The following GBE1 variants were observed in gnomAD, a reference collection of about 807,000 sequenced individuals.
GBE1 encodes 1,4-alpha-glucan-branching enzyme.
GBE1 carries 70 observed loss-of-function variants against 88.8 expected under a neutral mutation model. The ratio of observed to expected loss-of-function variants is 0.79; its 90% CI spans 0.65 to 0.96. The LOEUF is 0.96. Among genes scored for constraint, GBE1 ranks in the 40% least tolerant of loss-of-function variants. The pLI, the probability that GBE1 is intolerant of heterozygous loss-of-function variation, is 0.00. For missense variants in GBE1, 872 were observed against 871.0 expected, an observed-to-expected ratio of 1.00 and a Z score of -0.01; for synonymous variants, 284 against 300.1, an observed-to-expected ratio of 0.95 and a Z score of 0.56.
At chr3:81,682,803 G>A (rs142932698) in intron 2 of GBE1, among the ~76,000 whole-genome samples, 2 of 152,270 alleles carry the variant, frequency 1.3e-5, no homozygotes, top group East Asian at 1.9e-4. Context: ...GAACATAAAT[G>A]TTCATAGTAG....
chr3:81,682,508 G>T (rs1705365062), intron 2 of GBE1, among the ~76,000 whole-genome samples: 1 of 151,862 alleles, frequency 6.6e-6, no homozygotes. Context: ...TCATAAAAAA[G>T]GGTATTCAAC....
intron 1 of GBE1, among the ~76,000 whole-genome samples, chr3:81,718,368 A>G (rs1705971887): frequency 6.6e-6 from 1 of 152,216 alleles, no homozygotes; most frequent in South Asian, 2.1e-4. Flanking sequence ...TATAATGACC[A>G]GTATCTTATG....
intron 15 of GBE1, among the ~76,000 whole-genome samples, chr3:81,493,783 G>T (rs1214912859): frequency 1.3e-5 from 2 of 151,502 alleles, no homozygotes; most frequent in Admixed American, 6.6e-5. Flanking sequence ...TGTTCTGCCT[G>T]CCTCGGCAGG....
chr3:81,741,090 C>A (rs1260947864), intron 1 of GBE1, among the ~76,000 whole-genome samples: 1 of 151,860 alleles, frequency 6.6e-6, no homozygotes, highest in Non-Finnish European at 1.5e-5. Flanking sequence ...AACTAAAAAC[C>A]AAAATAAAAT....
At chr3:81,503,173 G>C (rs1702612013) in intron 14 of GBE1, among the ~76,000 whole-genome samples, 1 of 152,104 alleles carries the variant, frequency 6.6e-6, no homozygotes, top group South Asian at 2.1e-4. Context: ...ACAAGATATT[G>C]TGCAAGAAAC....
intron 7 of GBE1, among the ~76,000 whole-genome samples, chr3:81,619,163 A>G (rs1347199693): frequency 1.6e-5 from 2 of 123,770 alleles, no homozygotes; most frequent in East Asian, 5.8e-4. Context: ...AAAAAGAAGA[A>G]TAACAACGAT....
At chr3:81,618,347 A>T (rs907517203) in intron 7 of GBE1, among the ~76,000 whole-genome samples, 1 of 152,128 alleles carries the variant, frequency 6.6e-6, no homozygotes, top group Non-Finnish European at 1.5e-5. Context: ...TAATAATTCA[A>T]TGATCATTCT....
intron 5 of GBE1, among the ~76,000 whole-genome samples, chr3:81,647,556 T>C (rs1485031866): frequency 6.6e-6 from 1 of 152,214 alleles, no homozygotes; most frequent in African/African-American, 2.4e-5. Context: ...CAGGTTTTTC[T>C]TCTTGAAGTA....
At chr3:81,577,234 C>A (rs982701191) in intron 12 of GBE1, among the ~76,000 whole-genome samples, 1 of 152,010 alleles carries the variant, frequency 6.6e-6, no homozygotes, top group Non-Finnish European at 1.5e-5. Flanking sequence ...GAGGCACCAC[C>A]CACCCTGAGT....
At chr3:81,750,588 CGT>C (rs1706494815) in intron 1 of GBE1, among the ~76,000 whole-genome samples, 2 of 44,956 alleles carry the variant, frequency 4.4e-5, no homozygotes, top group Non-Finnish European at 7.3e-5. Context: ...TATATATATA[CGT>C]ATATATATAT....
chr3:81,694,660 C>G (rs1028441176), intron 2 of GBE1, among the ~76,000 whole-genome samples: 14 of 152,148 alleles, frequency 9.2e-5, no homozygotes, highest in African/African-American at 3.4e-4. Context: ...ATGACCAACA[C>G]AGCAAAATAT....
At chr3:81,513,107 TG>T (rs1380633262) in intron 14 of GBE1, among the ~76,000 whole-genome samples, 2 of 151,330 alleles carry the variant, frequency 1.3e-5, no homozygotes, top group Non-Finnish European at 3.0e-5. Context: ...TAGGTCAAGG[TG>T]GGGAGAATCA....
intron 14 of GBE1, among the ~76,000 whole-genome samples, chr3:81,526,566 T>C (rs1178907086): frequency 2.0e-5 from 3 of 152,050 alleles, no homozygotes; most frequent in Non-Finnish European, 4.4e-5. Flanking sequence ...AGCATTCTTA[T>C]ACAACAATAA....
chr3:81,705,583 G>A lies in GBE1; in HGVS notation c.174C>T (p.Asn58=). The A allele has an allele frequency of 6.4e-7, 1 of 1,570,186 alleles. No homozygotes were observed. Among genetic ancestry groups the A allele is most frequent in the Non-Finnish European group, 8.6e-7 (1 of 1,156,854 alleles). ...RYKQFSQILK[N]IGENEGGIDK... ...CAATACCACCTTCATTTTCTCCAAT[G>A]TTCTTCAAAATTTGGCTAAACTGCT... is the stretch of plus-strand genomic sequence containing the variant. The change falls in exon 2 of 16, where the codon AAC becomes AAT. Residue 58 remains asparagine, a synonymous_variant. Coordinates refer to ENST00000429644, the MANE Select transcript of GBE1 (RefSeq NM_000158.4).
chr3:81,547,640 TC>T (rs1703224541), intron 12 of GBE1, among the ~76,000 whole-genome samples: 4 of 134,228 alleles, frequency 3.0e-5, no homozygotes, highest in Non-Finnish European at 4.8e-5. Context: ...TCTCTCTCTC[TC>T]TCTCTCTCTC....
In GBE1 at chr3:81,490,421, C is replaced by A. The variant is rs1337608522; in HGVS notation, c.2095G>T (p.Asp699Tyr). The A allele has an allele frequency of 1.2e-6, 2 of 1,613,128 alleles. No individual in the cohort carries two copies. Among genetic ancestry groups the A allele is most frequent in the African/African-American group, 1.3e-5 (1 of 74,968 alleles). ...ATCAGGCCTCTTCAATTCGGCAGAT[C>A]CACATTCTGAAGGATGAGGGCCACT... ...SRVALILQNV[D>Y]LPN The change falls in exon 16 of 16, where the codon GAT becomes TAT. Residue 699 changes from aspartate (D) to tyrosine (Y), a missense_variant. By Grantham distance (160) the Asp-to-Tyr change is radical (BLOSUM62 -3). Transcript: ENST00000429644.
At chr3:81,574,124 T>C (rs1158031443) in intron 12 of GBE1, among the ~76,000 whole-genome samples, 1 of 152,186 alleles carries the variant, frequency 6.6e-6, no homozygotes, top group Non-Finnish European at 1.5e-5. Flanking sequence ...AAAAGAACAT[T>C]GATTTTTAAC....
At chr3:81,558,962 C>T (rs1421737596) in intron 12 of GBE1, among the ~76,000 whole-genome samples, 1 of 151,944 alleles carries the variant, frequency 6.6e-6, no homozygotes, top group Non-Finnish European at 1.5e-5. Flanking sequence ...CAATTCTTGC[C>T]CTCATTTAGT....
At chr3:81,737,903 T>C (rs1706291804) in intron 1 of GBE1, among the ~76,000 whole-genome samples, 2 of 151,756 alleles carry the variant, frequency 1.3e-5, no homozygotes, top group African/African-American at 2.4e-5. Context: ...TCCTCCCCCC[T>C]TCCCCCACCC....
Sources: gnomAD v4.1 joint callset for allele counts (sites outside exome capture counted in the v4.1 genomes callset) on GRCh38, gnomAD v4.1.1 for gene constraint, MANE v1.5 for transcripts, NCBI Gene and HGNC (gene_info 2026-07-23, HGNC 2026-07-21) for gene names.